STAG1: variants seen among roughly 807,000 people sequenced by gnomAD.
STAG1 encodes STAG1 cohesin complex component, also known as cohesin subunit SA-1.
In STAG1, 26 loss-of-function variants were observed where a neutral mutation model predicts 170.9. The ratio of observed to expected loss-of-function variants is 0.15; its 90% CI spans 0.11 to 0.21. The LOEUF (loss-of-function observed/expected upper bound fraction) is 0.21, where lower values mean the gene tolerates loss of function less well. Ranked by LOEUF, STAG1 falls within the 10% of genes least tolerant of loss-of-function variation. STAG1 has a pLI of 1.00. For synonymous variants in STAG1, 514 were observed against 497.7 expected (o/e 1.03, Z -0.44); for missense variants, 964 against 1,509.5 (o/e 0.64, Z 5.99).
At chr3:136,473,902 C>A (rs1252833621) in intron 10 of STAG1, among the ~76,000 whole-genome samples, 1 of 151,894 alleles carries the variant, frequency 6.6e-6, no homozygotes, top group African/African-American at 2.4e-5. Flanking sequence ...TGTGGTATAA[C>A]CCACGTCATC....
chr3:136,476,437 G>C (rs2089751676), intron 10 of STAG1, among the ~76,000 whole-genome samples: 1 of 152,156 alleles, frequency 6.6e-6, no homozygotes, highest in Non-Finnish European at 1.5e-5. Flanking sequence ...AGGGATTTAT[G>C]GAACTTGCTC....
rs1391949360 is a variant in STAG1 at position 136,651,107 on chromosome 3, G to A, written c.-83-20126C>T. Among the ~76,000 whole-genome samples, 4 of 152,238 alleles carry A rather than the reference G, an allele frequency of 2.6e-5. No homozygotes were observed. The East Asian group carries it at 7.7e-4, about 29-fold the overall frequency. ...GTGCTGGGCACTGTGGCTCACACCT[G>A]TAATCCTAGCACTTTGGGAGGCCAA... On this transcript the variant is annotated intron_variant, in intron 1 of 33. Coordinates refer to ENST00000383202, the MANE Select transcript of STAG1 (RefSeq NM_005862.3).
intron 32 of STAG1, among the ~76,000 whole-genome samples, chr3:136,339,284 G>A (rs1935840981): frequency 6.6e-6 from 1 of 152,194 alleles, no homozygotes; most frequent in African/African-American, 2.4e-5. Flanking sequence ...GCTCACACCT[G>A]TAATCCCAGG....
At chr3:136,544,615 A>C (rs969774703) in intron 5 of STAG1, among the ~76,000 whole-genome samples, 1 of 151,906 alleles carries the variant, frequency 6.6e-6, no homozygotes, top group African/African-American at 2.4e-5. Context: ...ATACAAAAAA[A>C]CAGCCGGGTG....
chr3:136,413,994 T>C (rs898017257), intron 21 of STAG1, among the ~76,000 whole-genome samples: 4 of 152,196 alleles, frequency 2.6e-5, no homozygotes, highest in African/African-American at 9.6e-5. Context: ...ACAATGTACA[T>C]AGCTTAACTA....
chr3:136,425,807 G>A (rs1936955452), intron 16 of STAG1, among the ~76,000 whole-genome samples: 1 of 150,730 alleles, frequency 6.6e-6, no homozygotes, highest in African/African-American at 2.4e-5. Context: ...TAAAAAATAA[G>A]ATATGTGAAA....
chr3:136,696,894 G>A (rs540548070), intron 1 of STAG1, among the ~76,000 whole-genome samples: 2 of 152,102 alleles, frequency 1.3e-5, no homozygotes, highest in East Asian at 1.9e-4. Flanking sequence ...ATCAAAAAGG[G>A]TATGAGGGAA....
chr3:136,450,716 T>C (rs1310233963), intron 14 of STAG1, among the ~76,000 whole-genome samples: 3 of 152,190 alleles, frequency 2.0e-5, no homozygotes, highest in Non-Finnish European at 4.4e-5. Context: ...TGTTCTTTAC[T>C]TCTTTTGCAA....
intron 1 of STAG1, among the ~76,000 whole-genome samples, chr3:136,746,849 C>A (rs1934958707): frequency 6.6e-6 from 1 of 152,132 alleles, no homozygotes; most frequent in Non-Finnish European, 1.5e-5. Flanking sequence ...GTAATCCCAG[C>A]ACTTTCGGAG....
At chr3:136,519,600 C>T (rs543319315) in intron 7 of STAG1, among the ~76,000 whole-genome samples, 59 of 149,998 alleles carry the variant, frequency 3.9e-4, no homozygotes, top group Non-Finnish European at 1.6e-4. Flanking sequence ...CATTACTGTA[C>T]ACAGAAAGAA....
chr3:136,584,583 C>G (rs1937713052), intron 4 of STAG1, among the ~76,000 whole-genome samples: 1 of 152,168 alleles, frequency 6.6e-6, no homozygotes, highest in Non-Finnish European at 1.5e-5. Flanking sequence ...TCAGTGTTCT[C>G]TATCCTAATT....
At chr3:136,704,192 A>C (rs927455802) in intron 1 of STAG1, among the ~76,000 whole-genome samples, 1 of 151,338 alleles carries the variant, frequency 6.6e-6, no homozygotes, top group Non-Finnish European at 1.5e-5. Context: ...CTGCGATTAC[A>C]GGAGTGCACC....
At chr3:136,742,891 G>T (rs1934746913) in intron 1 of STAG1, among the ~76,000 whole-genome samples, 1 of 152,006 alleles carries the variant, frequency 6.6e-6, no homozygotes, top group African/African-American at 2.4e-5. Flanking sequence ...GTATTTATTA[G>T]AAAACAAAAA....
chr3:136,496,235 G>A (rs981931422), intron 9 of STAG1, among the ~76,000 whole-genome samples: 8 of 152,094 alleles, frequency 5.3e-5, no homozygotes, highest in African/African-American at 1.7e-4. Context: ...TAAACAGACC[G>A]AAAATCAGTA....
At chr3:136,487,793 A>G (rs764837496) in intron 9 of STAG1, among the ~76,000 whole-genome samples, 2 of 152,186 alleles carry the variant, frequency 1.3e-5, no homozygotes, top group Non-Finnish European at 2.9e-5. Flanking sequence ...AGTATCTCTG[A>G]TGAATATAAT....
At chr3:136,455,127 C>T (rs1053627255) in intron 13 of STAG1, among the ~76,000 whole-genome samples, 1 of 152,208 alleles carries the variant, frequency 6.6e-6, no homozygotes, top group Admixed American at 6.5e-5. Context: ...GCTTATCCTT[C>T]TGGATTTCTG....
chr3:136,459,152 A>T (rs1373012348), intron 13 of STAG1, among the ~76,000 whole-genome samples: 1 of 148,920 alleles, frequency 6.7e-6, no homozygotes, highest in Non-Finnish European at 1.5e-5. Context: ...CAGGAGGTGG[A>T]GGTTGCAGTG....
intron 7 of STAG1, among the ~76,000 whole-genome samples, chr3:136,511,813 T>A (rs554213455): frequency 1.3e-5 from 2 of 152,206 alleles, no homozygotes; most frequent in East Asian, 3.9e-4. Context: ...AGTTAAAAAA[T>A]CAATTTTCAT....
At chr3:136,557,375 A>C (rs1936664543) in intron 5 of STAG1, among the ~76,000 whole-genome samples, 1 of 152,228 alleles carries the variant, frequency 6.6e-6, no homozygotes, top group African/African-American at 2.4e-5. Flanking sequence ...GAAAAACTGA[A>C]GGACTTTTCA....
Sources: gnomAD v4.1 joint callset for allele counts (sites outside exome capture counted in the v4.1 genomes callset) on GRCh38, gnomAD v4.1.1 for gene constraint, MANE v1.5 for transcripts, NCBI Gene and HGNC (gene_info 2026-07-23, HGNC 2026-07-21) for gene names.